C12orf42: variants seen among roughly 807,000 people sequenced by gnomAD.
C12orf42 encodes the protein uncharacterized protein C12orf42.
Under a neutral mutation model 21.6 loss-of-function variants are expected in C12orf42, and 25 were observed. That is an observed-to-expected ratio of 1.16 (90% confidence interval 0.84 to 1.62). The LOEUF is 1.62. C12orf42 is among the 40% of genes most tolerant of loss of function. The pLI is 0.00. For synonymous variants in C12orf42, 174 were observed against 175.0 expected, an observed-to-expected ratio of 0.99 and a Z score of 0.05; for missense variants, 483 against 459.3, an observed-to-expected ratio of 1.05 and a Z score of -0.47.
chr12:103,277,397 T>A (rs2035834042), intron 4 of C12orf42, among the ~76,000 whole-genome samples: 1 of 152,206 alleles, frequency 6.6e-6, no homozygotes, highest in Non-Finnish European at 1.5e-5. Context: ...AATGTTTGGT[T>A]AAACTATCGT....
At chr12:103,432,064 A>T (rs1950305555) in intron 2 of C12orf42, among the ~76,000 whole-genome samples, 1 of 152,112 alleles carries the variant, frequency 6.6e-6, no homozygotes, top group African/African-American at 2.4e-5. Context: ...GGGTTGCATT[A>T]CTTCTCCCCT....
chr12:103,284,341 A>T (rs2036310838), intron 4 of C12orf42, among the ~76,000 whole-genome samples: 1 of 152,220 alleles, frequency 6.6e-6, no homozygotes, highest in South Asian at 2.1e-4. Flanking sequence ...AAAAAAAAGC[A>T]GAATGAACTG....
intron 2 of C12orf42, among the ~76,000 whole-genome samples, chr12:103,438,480 G>T (rs1950925707): frequency 1.3e-5 from 2 of 152,046 alleles, no homozygotes; most frequent in Non-Finnish European, 2.9e-5. Context: ...CCTGTTTGCA[G>T]ATGACATGAT....
chr12:103,357,572 A>G (rs2043701315), intron 4 of C12orf42, among the ~76,000 whole-genome samples: 1 of 152,052 alleles, frequency 6.6e-6, no homozygotes, highest in Non-Finnish European at 1.5e-5. Flanking sequence ...GATCATTGCC[A>G]TCATACTGGG....
In C12orf42 at chr12:103,302,467, G is replaced by A. The variant is rs765903003; in HGVS notation, c.724C>T (p.Leu242Phe). 2 of 1,613,740 alleles carry A rather than the reference G, an allele frequency of 1.2e-6. No individual in the cohort carries two copies. The highest frequency in any genetic ancestry group is 4.5e-5 in the East Asian group (2 of 44,846). ...ACTGCCATCCTCTCCTCCGGCTCGA[G>A]CTCTGTGTTACTCGGGCCGGTGCTC... The part of the protein sequence containing the change: ...LQSTGPSNTE[L>F]EPEERMAVPA... Residue 242 changes from leucine (L) to phenylalanine (F), a missense_variant, in exon 6 of 6, where the codon CTC becomes TTC. Transcript: ENST00000548883.
the C12orf42 span, among the ~76,000 whole-genome samples, chr12:103,196,451 C>T: frequency 6.6e-6 from 1 of 152,062 alleles, no homozygotes; most frequent in Admixed American, 6.5e-5. Flanking sequence ...CTATTAGGTC[C>T]ATTTGGTCAA....
At chr12:103,054,473 C>CT in the C12orf42 span, among the ~76,000 whole-genome samples, 97 of 151,454 alleles carry the variant, frequency 6.4e-4, no homozygotes, top group African/African-American at 1.6e-3. Flanking sequence ...TTCTAAGAGG[C>CT]TTTTTTTTGC....
chr12:103,427,916 T>C (rs1252873461), intron 2 of C12orf42, among the ~76,000 whole-genome samples: 1 of 152,174 alleles, frequency 6.6e-6, no homozygotes, highest in African/African-American at 2.4e-5. Flanking sequence ...AGTAAGTTCT[T>C]TGAAGTCAGT....
the C12orf42 span, among the ~76,000 whole-genome samples, chr12:103,224,889 G>A: frequency 6.6e-6 from 1 of 152,180 alleles, no homozygotes; most frequent in East Asian, 1.9e-4. Flanking sequence ...AAGGAAATGA[G>A]TTGTTGTTTT....
At chr12:103,478,239 T>C (rs769254155) in intron 2 of C12orf42, 110 bp downstream of exon 2, 21 of 679,040 alleles carry the variant, frequency 3.1e-5, no homozygotes, top group Non-Finnish European at 5.0e-5. Flanking sequence ...GAGGATTATC[T>C]AAAATATAAT....
At chr12:103,308,179 C>T (rs1015558591) in intron 4 of C12orf42, among the ~76,000 whole-genome samples, 3 of 152,036 alleles carry the variant, frequency 2.0e-5, no homozygotes, top group Admixed American at 6.5e-5. Context: ...ACATAAAGTA[C>T]TTAGGGTAGT....
At chr12:103,509,231 A>T in the C12orf42 span, among the ~76,000 whole-genome samples, 2 of 152,210 alleles carry the variant, frequency 1.3e-5, no homozygotes, top group South Asian at 2.1e-4. Flanking sequence ...TATTGAACCT[A>T]ACCTTATGCT....
At chr12:103,181,976 T>G in the C12orf42 span, among the ~76,000 whole-genome samples, 1 of 152,230 alleles carries the variant, frequency 6.6e-6, no homozygotes, top group South Asian at 2.1e-4. Context: ...TGATGTTAAG[T>G]GTGGTCATTA....
At chr12:103,512,078 T>C in the C12orf42 span, among the ~76,000 whole-genome samples, 1 of 152,204 alleles carries the variant, frequency 6.6e-6, no homozygotes, top group Non-Finnish European at 1.5e-5. Context: ...GTAGGCATAT[T>C]TTTATTCCTA....
chr12:103,071,217 A>G, the C12orf42 span, among the ~76,000 whole-genome samples: 1 of 152,158 alleles, frequency 6.6e-6, no homozygotes, highest in East Asian at 1.9e-4. Flanking sequence ...AAACTACACC[A>G]TAAACCCTTC....
At chr12:103,429,819 A>G (rs1461185705) in intron 2 of C12orf42, among the ~76,000 whole-genome samples, 1 of 152,210 alleles carries the variant, frequency 6.6e-6, no homozygotes, top group Non-Finnish European at 1.5e-5. Flanking sequence ...AATGCCACAT[A>G]TCTACAACCA....
intron 10 of C12orf42, among the ~76,000 whole-genome samples, chr12:103,255,402 G>T (rs1261768324): frequency 6.6e-6 from 1 of 151,994 alleles, no homozygotes; most frequent in Non-Finnish European, 1.5e-5. Context: ...AAAAATGTGT[G>T]TGTGTATGTA....
the C12orf42 span, among the ~76,000 whole-genome samples, chr12:103,050,666 C>G: frequency 6.6e-6 from 1 of 151,928 alleles, no homozygotes; most frequent in African/African-American, 2.4e-5. Context: ...TCAGAGCAAC[C>G]ATTGCAGAGA....
the C12orf42 span, among the ~76,000 whole-genome samples, chr12:103,156,375 G>A: frequency 1.8e-4 from 28 of 152,142 alleles, no homozygotes; most frequent in African/African-American, 6.0e-4. Context: ...AGGGCTTCAG[G>A]AGTGCTATAA....
Sources: gnomAD v4.1 joint callset for allele counts (sites outside exome capture counted in the v4.1 genomes callset) on GRCh38, gnomAD v4.1.1 for gene constraint, MANE v1.5 for transcripts, NCBI Gene and HGNC (gene_info 2026-07-23, HGNC 2026-07-21) for gene names.